NAALADL2: variants seen among roughly 807,000 people sequenced by gnomAD.
NAALADL2 encodes inactive N-acetylated-alpha-linked acidic dipeptidase-like protein 2.
NAALADL2 carries 76 observed loss-of-function variants against 87.2 expected under a neutral mutation model. The ratio of observed to expected loss-of-function variants is 0.87; its 90% CI spans 0.72 to 1.05. The LOEUF is 1.05. NAALADL2 is among the 50% of genes least tolerant of loss of function. NAALADL2 has a pLI of 0.00. For synonymous variants in NAALADL2, 354 were observed against 331.0 expected (o/e 1.07, Z -0.75); for missense variants, 1,089 against 945.8 (o/e 1.15, Z -1.99).
chr3:174,558,723 GTGGCTTTTTCCTAACAGGCCATGGAC>G (rs1196273952), intron 2 of NAALADL2, among the ~76,000 whole-genome samples: 2 of 152,124 alleles, frequency 1.3e-5, no homozygotes, highest in African/African-American at 4.8e-5. Context: ...CTCCTGCTGT[GTGGCTTTTTCCTAACAGGCCATGGAC>G]TGATCCTGGT....
At chr3:175,496,319 C>A (rs934538928) in intron 9 of NAALADL2, among the ~76,000 whole-genome samples, 1 of 151,658 alleles carries the variant, frequency 6.6e-6, no homozygotes, top group African/African-American at 2.4e-5. Context: ...TTTATCATGT[C>A]TTTTAATTTA....
intron 4 of NAALADL2, among the ~76,000 whole-genome samples, chr3:175,314,387 C>T (rs1335203075): frequency 6.6e-6 from 1 of 150,876 alleles, no homozygotes; most frequent in Non-Finnish European, 1.5e-5. Flanking sequence ...GGCTAGTCTC[C>T]ACCACACTCT....
chr3:174,887,470 A>G (rs986101733), intron 1 of NAALADL2, among the ~76,000 whole-genome samples: 1 of 152,182 alleles, frequency 6.6e-6, no homozygotes, highest in African/African-American at 2.4e-5. Flanking sequence ...AGTTTAATTT[A>G]AAAGTGAATT....
At chr3:174,632,993 G>T (rs1287380786) in intron 2 of NAALADL2, among the ~76,000 whole-genome samples, 9 of 147,108 alleles carry the variant, frequency 6.1e-5, no homozygotes, top group Admixed American at 6.1e-4. Context: ...CTGGCTCAAA[G>T]TACAGTAAGT....
intron 9 of NAALADL2, among the ~76,000 whole-genome samples, chr3:175,536,884 A>T (rs1734893919): frequency 6.6e-6 from 1 of 152,190 alleles, no homozygotes; most frequent in Non-Finnish European, 1.5e-5. Context: ...CTGGAGCCTG[A>T]GGCAGGAGAA....
chr3:174,787,620 T>TATATACAC (rs1489900205), intron 3 of NAALADL2, among the ~76,000 whole-genome samples: 3 of 117,482 alleles, frequency 2.6e-5, no homozygotes, highest in African/African-American at 2.9e-5. Context: ...TATATATATA[T>TATATACAC]AGTAGTGACT....
intron 13 of NAALADL2, among the ~76,000 whole-genome samples, chr3:175,763,934 T>C (rs976045977): frequency 1.3e-5 from 2 of 152,038 alleles, no homozygotes; most frequent in African/African-American, 4.8e-5. Flanking sequence ...GAAAAGAGAA[T>C]CAGAGATTCA....
chr3:174,977,982 GTTTA>G (rs1284420376), intron 1 of NAALADL2, among the ~76,000 whole-genome samples: 2 of 152,160 alleles, frequency 1.3e-5, no homozygotes, highest in Non-Finnish European at 2.9e-5. Context: ...TTCAAAGAAA[GTTTA>G]TTTAACAGTT....
At chr3:175,593,856 G>A (rs1451056089) in intron 10 of NAALADL2, among the ~76,000 whole-genome samples, 1 of 152,030 alleles carries the variant, frequency 6.6e-6, no homozygotes, top group African/African-American at 2.4e-5. Flanking sequence ...TGAGAATTAG[G>A]GCTTCAACAT....
chr3:175,774,159 T>C (rs1029400940), intron 13 of NAALADL2, among the ~76,000 whole-genome samples: 6 of 152,098 alleles, frequency 3.9e-5, no homozygotes, highest in East Asian at 1.9e-4. Flanking sequence ...TGACCACTTA[T>C]CTTTACTCTG....
At chr3:175,155,085 A>G (rs764203015) in intron 2 of NAALADL2, among the ~76,000 whole-genome samples, 2 of 152,134 alleles carry the variant, frequency 1.3e-5, no homozygotes, top group Non-Finnish European at 1.5e-5. Context: ...TTAAAAACCC[A>G]TCTCAGTCAG....
chr3:175,406,812 AT>A (rs983509808), intron 5 of NAALADL2, among the ~76,000 whole-genome samples: 177 of 146,632 alleles, frequency 1.2e-3, no homozygotes, highest in African/African-American at 4.1e-3. Flanking sequence ...CATTTTGTGC[AT>A]TTTTTTTTCA....
intron 3 of NAALADL2, among the ~76,000 whole-genome samples, chr3:174,796,859 T>C (rs1291783563): frequency 6.6e-6 from 1 of 151,992 alleles, no homozygotes; most frequent in Non-Finnish European, 1.5e-5. Context: ...GTTTTTGAGT[T>C]GTTTGTATTC....
intron 2 of NAALADL2, among the ~76,000 whole-genome samples, chr3:174,671,354 G>A (rs1726516438): frequency 6.6e-6 from 1 of 151,980 alleles, no homozygotes; most frequent in South Asian, 2.1e-4. Flanking sequence ...CATTGTTGGG[G>A]TCCTAGTGAA....
At chr3:175,180,896 A>T (rs1268654843) in intron 2 of NAALADL2, among the ~76,000 whole-genome samples, 1 of 152,036 alleles carries the variant, frequency 6.6e-6, no homozygotes, top group African/African-American at 2.4e-5. Context: ...AATGAGGTTA[A>T]ATAATTTGCC....
At chr3:174,862,313 G>C (rs1311705550) in intron 1 of NAALADL2, among the ~76,000 whole-genome samples, 2 of 151,990 alleles carry the variant, frequency 1.3e-5, no homozygotes, top group East Asian at 3.9e-4. Flanking sequence ...GTAGAGGGAG[G>C]GACATGGCTG....
At chr3:174,868,338 A>T (rs1373136245) in intron 1 of NAALADL2, among the ~76,000 whole-genome samples, 1 of 152,102 alleles carries the variant, frequency 6.6e-6, no homozygotes, top group African/African-American at 2.4e-5. Context: ...AAATTTAGTG[A>T]TGTGCTTATT....
At chr3:175,041,985 A>G (rs1001233995) in intron 1 of NAALADL2, among the ~76,000 whole-genome samples, 5 of 152,168 alleles carry the variant, frequency 3.3e-5, no homozygotes, top group African/African-American at 1.2e-4. Context: ...AAACAGCATT[A>G]TTAACTATAG....
At chr3:175,769,650 T>C (rs1749210457) in intron 13 of NAALADL2, among the ~76,000 whole-genome samples, 1 of 152,130 alleles carries the variant, frequency 6.6e-6, no homozygotes, top group Non-Finnish European at 1.5e-5. Flanking sequence ...CTTTTAATAA[T>C]CTAGGCATGT....
Sources: gnomAD v4.1 joint callset for allele counts (sites outside exome capture counted in the v4.1 genomes callset) on GRCh38, gnomAD v4.1.1 for gene constraint, MANE v1.5 for transcripts, NCBI Gene and HGNC (gene_info 2026-07-23, HGNC 2026-07-21) for gene names.